The following DNM1L variants were observed in gnomAD, a reference collection of about 807,000 sequenced individuals.
The protein encoded by DNM1L is dynamin-1-like protein.
A neutral mutation model predicts 92.8 loss-of-function variants in DNM1L; 33 were observed. The observed-to-expected ratio is 0.36, with a 90% CI of 0.27 to 0.48. The LOEUF (loss-of-function observed/expected upper bound fraction) is 0.48. Ranked by LOEUF, DNM1L falls within the 20% of genes least tolerant of loss-of-function variation. The pLI is 0.99. For missense variants in DNM1L, 485 were observed against 888.8 expected, an observed-to-expected ratio of 0.55 and a Z score of 5.78; for synonymous variants, 284 against 305.0, an observed-to-expected ratio of 0.93 and a Z score of 0.72.
intron 16 of DNM1L, chr12:32,739,744 C>T (rs7955582): frequency 0.14 from 42,770 of 303,532 alleles, 3,283 homozygotes; most frequent in African/African-American, 0.2. Context: ...ATATACTTTT[C>T]CTACAATTTA....
At position 32,745,624 on chromosome 12, in the gene DNM1L, T is replaced by G. The variant is rs1955595321; in HGVS notation, c.*2214T>G. 1 of 152,388 alleles carries G rather than the reference T, an allele frequency of 6.6e-6. No homozygotes were observed. Among genetic ancestry groups the G allele is most frequent in the Admixed American group, 6.5e-5 (1 of 15,282 alleles). 9.4% of individuals were successfully genotyped at this position (152,388 alleles called of 1,614,324 possible). ...ACAAAAGGAGCTTTTTAATACCTAA[T>G]CTACTTTGGAACATAACCGTATAGA... On this transcript the variant is annotated 3_prime_UTR_variant, in exon 20 of 20. Transcript: ENST00000549701.
At chr12:32,720,917 A>G in intron 8 of DNM1L, 122 bp downstream of exon 8, 1 of 1,274,934 alleles carries the variant, frequency 7.8e-7, no homozygotes, top group Non-Finnish European at 1.1e-6. Context: ...ATGGTTTCTT[A>G]TATAGTAGGT....
intron 9 of DNM1L, chr12:32,726,457 C>T: frequency 7.8e-7 from 1 of 1,275,896 alleles, no homozygotes; most frequent in African/African-American, 1.5e-5. Flanking sequence ...TCTCCTTTGT[C>T]CTCTTCCTCA....
chr12:32,741,026 TGTGAA>T (rs1955248782), intron 18 of DNM1L, among the ~76,000 whole-genome samples: 1 of 152,232 alleles, frequency 6.6e-6, no homozygotes, highest in Admixed American at 6.5e-5. Context: ...CATTTAGTTG[TGTGAA>T]GTGATCTATT....
intron 9 of DNM1L, among the ~76,000 whole-genome samples, chr12:32,724,149 AAT>A (rs1394054087): frequency 5.3e-5 from 8 of 152,170 alleles, no homozygotes; most frequent in South Asian, 2.1e-4. Context: ...TTTTGTCAAA[AAT>A]AGTCTTATCT....
intron 18 of DNM1L, among the ~76,000 whole-genome samples, chr12:32,741,077 C>CA (rs1856984264): frequency 6.6e-6 from 1 of 152,188 alleles, no homozygotes; most frequent in South Asian, 2.1e-4. Context: ...GGTAATCTGT[C>CA]AGCAGCTAAG....
intron 1 of DNM1L, among the ~76,000 whole-genome samples, chr12:32,699,504 C>A (rs1952608732): frequency 6.6e-6 from 1 of 152,082 alleles, no homozygotes. Context: ...TTTAAATGAG[C>A]TGTCGGTATC....
In DNM1L at chr12:32,743,706, AAGCAGTTTGCCTGTGG is replaced by A; in HGVS notation, c.*298_*313del. 2.5e-6 allele frequency: 1 copy of A among 403,422 alleles called. No homozygotes were observed. The highest frequency in any genetic ancestry group is 2.0e-5 in the African/African-American group (1 of 49,692). 25.0% of individuals were successfully genotyped at this position (403,422 alleles called of 1,614,324 possible). The stretch of plus-strand genomic sequence containing the variant: ...CAACTGTTAATGTTCTAGTTGTGCA[AAGCAGTTTGCCTGTGG>A]ATAAGATGACCTGTGTAATAATCTT... On this transcript the variant is annotated 3_prime_UTR_variant, in exon 20 of 20. Coordinates refer to ENST00000549701, the MANE Select transcript of DNM1L (RefSeq NM_012062.5).
At position 32,731,879 on chromosome 12, in the gene DNM1L, A is replaced by G; in HGVS notation, c.1382A>G (p.His461Arg). 6.2e-7 allele frequency: 1 copy of G among 1,613,854 alleles called. No individual in the cohort carries two copies. Among genetic ancestry groups the G allele is most frequent in the East Asian group, 2.2e-5 (1 of 44,864 alleles). Residue 461 changes from histidine to arginine, a missense_variant, in exon 12 of 20, where the codon CAT becomes CGT. By Grantham distance (29) the His-to-Arg change is conservative. Around this residue, in one of 11 missense-constraint regions of DNM1L, gnomAD observed 28 missense variants for 65.1 expected, o/e 0.43. Coordinates refer to ENST00000549701, the MANE Select transcript of DNM1L (RefSeq NM_012062.5). This position sits in a 1 kb window ranked among gnomAD's most constrained non-coding sequence, Gnocchi z 5.1. ...TQELLRFPKL[H>R]DAIVEVVTCL... Reference sequence around the variant, plus strand: ...GAATTGTTACGATTTCCTAAACTTCATGATGCCATAGTTGAAGTGGTGACT... The same window carrying G: ...GAATTGTTACGATTTCCTAAACTTCGTGATGCCATAGTTGAAGTGGTGACT...
intron 6 of DNM1L, among the ~76,000 whole-genome samples, chr12:32,718,198 A>G (rs900619058): frequency 2.7e-5 from 4 of 147,690 alleles, no homozygotes; most frequent in African/African-American, 7.5e-5. Context: ...CCGAAGTGCA[A>G]TGGCACGATC....
chr12:32,718,134 T>A (rs538992252), intron 6 of DNM1L, among the ~76,000 whole-genome samples: 2 of 141,656 alleles, frequency 1.4e-5, no homozygotes, highest in African/African-American at 2.6e-5. Context: ...ATATATATTT[T>A]ATATGTATAG....
chr12:32,743,186 C>T (rs558368385), intron 19 of DNM1L, among the ~76,000 whole-genome samples, 168 bp from the exon 20 acceptor site: 9 of 152,104 alleles, frequency 5.9e-5, no homozygotes, highest in South Asian at 4.2e-4. Context: ...TGAGCCACTG[C>T]GCCTGGCCGG....
intron 1 of DNM1L, among the ~76,000 whole-genome samples, chr12:32,697,916 A>G (rs1952537035): frequency 6.6e-6 from 1 of 152,238 alleles, no homozygotes; most frequent in African/African-American, 2.4e-5. Flanking sequence ...ATTAGAAATA[A>G]GAAAAATGAA....
chr12:32,712,492 A>G (rs1489401588), intron 5 of DNM1L, among the ~76,000 whole-genome samples: 1 of 151,850 alleles, frequency 6.6e-6, no homozygotes, highest in Admixed American at 6.6e-5. Context: ...TTAAAATCAT[A>G]ATCCTAATGG....
chr12:32,699,805 A>AC (rs1278617328), intron 1 of DNM1L, among the ~76,000 whole-genome samples: 13 of 150,928 alleles, frequency 8.6e-5, no homozygotes, highest in African/African-American at 2.9e-4. Flanking sequence ...TCAAAAAAAA[A>AC]AAAAAAAAAA....
chr12:32,718,200 G>T (rs1432347310), intron 6 of DNM1L, among the ~76,000 whole-genome samples: 2 of 147,442 alleles, frequency 1.4e-5, no homozygotes, highest in South Asian at 2.2e-4. Flanking sequence ...GAAGTGCAAT[G>T]GCACGATCTC....
chr12:32,709,019 T>C, intron 4 of DNM1L, among the ~76,000 whole-genome samples: 1 of 152,208 alleles, frequency 6.6e-6, no homozygotes, highest in East Asian at 1.9e-4. Flanking sequence ...ATTGAATCCT[T>C]GTATCTGCCA....
rs140995230 is a variant in DNM1L, at chr12:32,743,841, G to A, written c.*431G>A. The A allele has an allele frequency of 5.2e-4, 86 of 164,224 alleles. No homozygotes were observed. The highest frequency in any genetic ancestry group is 1.9e-3 in the African/African-American group (81 of 41,818). The allele number at this position is 164,224 out of a possible 1,614,324, so 10.2% of individuals were successfully genotyped here. Reference sequence around the variant, plus strand: ...CTATAATGCATGTACTATATAAGCTGATCTGGCTTTGAAAGATGTGAGTTG... The same window carrying A: ...CTATAATGCATGTACTATATAAGCTAATCTGGCTTTGAAAGATGTGAGTTG... On this transcript the variant is annotated 3_prime_UTR_variant, in exon 20 of 20. Transcript: ENST00000549701.
chr12:32,680,055 T>TA lies in DNM1L; in HGVS notation c.102+590_102+591insA, dbSNP rs199809034. ...GTTTCGAGAACGCCGAAGCAGCATT[T>TA]TAAAAAAAGAAAAACAAAACGTGTA... On this transcript the variant is annotated intron_variant, in intron 1 of 19. Transcript: ENST00000549701. 6.7e-3 allele frequency: 6,535 copies of TA among 970,928 alleles called. 312 individuals carry two copies. In the African/African-American group the frequency reaches 0.11, roughly 16 times the overall value. The allele number at this position is 970,928 out of a possible 1,614,324, so 60.1% of individuals were successfully genotyped here. A position where few individuals can be genotyped will look rare whatever the true frequency, so the allele number is the denominator to read the frequency against.
Sources: allele counts gnomAD v4.1 joint callset (sites outside exome capture counted in the v4.1 genomes callset), GRCh38; gene constraint gnomAD v4.1.1; regional missense constraint gnomAD v4.1.1; non-coding constraint Gnocchi (gnomAD v3.1); transcripts MANE v1.5; gene names NCBI Gene and HGNC (gene_info 2026-07-23, HGNC 2026-07-21).